The following OPCML variants were observed in gnomAD, a reference collection of about 807,000 sequenced individuals.
OPCML encodes opioid-binding protein/cell adhesion molecule.
In OPCML, 13 loss-of-function variants were observed where a neutral mutation model predicts 37.8. The ratio of observed to expected loss-of-function variants is 0.34; its 90% CI spans 0.22 to 0.55. OPCML has a LOEUF of 0.55. OPCML is among the 20% of genes least tolerant of loss of function. The pLI, the probability that OPCML is intolerant of heterozygous loss-of-function variation, is 0.91. For missense variants in OPCML, 341 were observed against 435.6 expected, an observed-to-expected ratio of 0.78 and a Z score of 1.93; for synonymous variants, 176 against 168.8, an observed-to-expected ratio of 1.04 and a Z score of -0.33.
chr11:133,513,217 G>A lies in OPCML; in HGVS notation c.61+19047C>T, dbSNP rs565108336. Among the ~76,000 whole-genome samples, 4 of 152,220 alleles carry A rather than the reference G, an allele frequency of 2.6e-5. No individual in the cohort carries two copies. In the South Asian group the frequency reaches 8.3e-4, roughly 32 times the overall value. Reference sequence around the variant, plus strand: ...CACCTTTGACTCTATTTATAACATGGACATTGAGAAATGTGTGGGGTTATT... The same window carrying A: ...CACCTTTGACTCTATTTATAACATGAACATTGAGAAATGTGTGGGGTTATT... On this transcript the variant is annotated intron_variant, in intron 1 of 7. Transcript: ENST00000524381.
intron 1 of OPCML, among the ~76,000 whole-genome samples, chr11:133,356,801 G>A (rs1404595183): frequency 6.6e-6 from 1 of 152,200 alleles, no homozygotes. Context: ...GAACCTCAGA[G>A]TCTCATCCAG....
chr11:133,271,796 A>G (rs1203658420), intron 1 of OPCML, among the ~76,000 whole-genome samples: 3 of 152,252 alleles, frequency 2.0e-5, no homozygotes, highest in African/African-American at 7.2e-5. Flanking sequence ...ATTGAATCCA[A>G]AATGACTTTC....
At position 133,282,024 on chromosome 11, in the gene OPCML, C is replaced by CA. The variant is rs368951941; in HGVS notation, c.61+250239dup. On this transcript the variant is annotated intron_variant, in intron 1 of 7. Coordinates refer to ENST00000524381, the MANE Select transcript of OPCML (RefSeq NM_001012393.5). ...TCAGGTTTGGGAACAACAACAACAACAAAAAAAAACTTAAACTAGTAACTT... is the reference window on the plus strand; with the variant it reads ...TCAGGTTTGGGAACAACAACAACAACAAAAAAAAAACTTAAACTAGTAACTT... 1.3e-3 allele frequency among the ~76,000 whole-genome samples: 201 copies of CA among 150,854 alleles called. 1 individual carries two copies. The South Asian group carries it at 0.016, about 12-fold the overall frequency.
rs530511843 is a variant in OPCML, at chr11:133,060,069, G to T, written c.62-117059C>A. Among the ~76,000 whole-genome samples, 3 of 152,156 alleles carry T rather than the reference G, an allele frequency of 2.0e-5. No individual in the cohort carries two copies. The East Asian group carries it at 5.8e-4, about 29-fold the overall frequency. ...CAAACTTTCCATCAGATATTTTAAGGCCGTTCCTTTCTCTGGATCTCATGC... is the reference window on the plus strand; with the variant it reads ...CAAACTTTCCATCAGATATTTTAAGTCCGTTCCTTTCTCTGGATCTCATGC... On this transcript the variant is annotated intron_variant, in intron 1 of 7. Transcript: ENST00000524381.
In OPCML at chr11:133,052,885, C is replaced by T. The variant is rs575219432; in HGVS notation, c.62-109875G>A. 5.3e-5 allele frequency among the ~76,000 whole-genome samples: 8 copies of T among 152,330 alleles called. No individual in the cohort carries two copies. In the East Asian group the frequency reaches 9.7e-4, roughly 18 times the overall value. ...CCAGGGATGGAGAGGATCCTAATTA[C>T]ACCATTTGAGCCCCTGAATCCAGTT... On this transcript the variant is annotated intron_variant, in intron 1 of 7. Transcript: ENST00000524381.
At chr11:133,016,837 C>T (rs1195180022) in intron 1 of OPCML, among the ~76,000 whole-genome samples, 4 of 152,130 alleles carry the variant, frequency 2.6e-5, no homozygotes, top group Non-Finnish European at 5.9e-5. Context: ...AATTCAGGCC[C>T]ACTCTGCTCG....
chr11:133,528,080 C>T (rs1451155760), intron 1 of OPCML, among the ~76,000 whole-genome samples: 3 of 152,136 alleles, frequency 2.0e-5, no homozygotes, highest in African/African-American at 7.2e-5. Flanking sequence ...GCTAAGAATT[C>T]GAGAAAGCAC....
In OPCML at chr11:132,416,928, C is replaced by A. The variant is rs1012688138; in HGVS notation, c.*3265G>T. 6.6e-6 allele frequency: 1 copy of A among 152,584 alleles called. No homozygotes were observed. The highest frequency in any genetic ancestry group is 1.5e-5 in the Non-Finnish European group (1 of 68,040). 9.5% of individuals were successfully genotyped at this position (152,584 alleles called of 1,614,324 possible). A position where few individuals can be genotyped will look rare whatever the true frequency, so the allele number is the denominator to read the frequency against. ...AGCTTGGCTGCAGCCTTAACACGAG[C>A]ACTTTCATTGGCATTACTTTGGTGG... On this transcript the variant is annotated 3_prime_UTR_variant, in exon 8 of 8. Transcript: ENST00000524381.
intron 7 of OPCML, among the ~76,000 whole-genome samples, chr11:132,423,174 G>A (rs775610093): frequency 6.6e-6 from 1 of 152,168 alleles, no homozygotes; most frequent in Non-Finnish European, 1.5e-5. Context: ...AGAGGGCACC[G>A]AACACTCTAG....
chr11:132,955,924 C>T (rs1483556079), intron 1 of OPCML, among the ~76,000 whole-genome samples: 2 of 152,236 alleles, frequency 1.3e-5, no homozygotes, highest in Admixed American at 6.5e-5. Context: ...TCCTATTTCC[C>T]TCAACATTCA....
intron 2 of OPCML, among the ~76,000 whole-genome samples, chr11:132,703,628 C>T (rs980385706): frequency 5.9e-5 from 9 of 152,126 alleles, no homozygotes; most frequent in African/African-American, 9.7e-5. Context: ...TGGAATGATC[C>T]GGTGCATATG....
In OPCML at chr11:133,180,838, C is replaced by CAAAA. The variant is rs34333844; in HGVS notation, c.62-237832_62-237829dup. Reference sequence around the variant, plus strand: ...TGGAGACAGCGAGTGCTCAGCAAAGCAAAAAAAAAAAAAAAAAGTGGGGAT... The same window carrying CAAAA: ...TGGAGACAGCGAGTGCTCAGCAAAGCAAAAAAAAAAAAAAAAAAAAAGTGGGGAT... On this transcript the variant is annotated intron_variant, in intron 1 of 7. Transcript: ENST00000524381. 7.3e-3 allele frequency among the ~76,000 whole-genome samples: 679 copies of CAAAA among 93,574 alleles called. 10 individuals carry two copies. Among genetic ancestry groups the CAAAA allele is most frequent in the African/African-American group, 0.024 (620 of 26,332 alleles). 61.4% of individuals were successfully genotyped at this position (93,574 alleles called of 152,430 possible). A position where few individuals can be genotyped will look rare whatever the true frequency, so the allele number is the denominator to read the frequency against.
chr11:132,574,436 C>T (rs796769272), intron 3 of OPCML, among the ~76,000 whole-genome samples: 10 of 151,340 alleles, frequency 6.6e-5, no homozygotes, highest in South Asian at 4.2e-4. Flanking sequence ...ATTGCTGCAT[C>T]CCATAAGTTT....
chr11:133,376,352 C>T (rs775580959), intron 1 of OPCML, among the ~76,000 whole-genome samples: 3 of 151,792 alleles, frequency 2.0e-5, no homozygotes, highest in Non-Finnish European at 4.4e-5. Flanking sequence ...AAGCAAATAC[C>T]CAATGACACA....
intron 1 of OPCML, among the ~76,000 whole-genome samples, chr11:133,514,971 T>C (rs1269661963): frequency 6.6e-6 from 1 of 152,186 alleles, no homozygotes; most frequent in Non-Finnish European, 1.5e-5. Flanking sequence ...GATATACCAC[T>C]CTAGAACAAC....
chr11:133,262,301 G>A (rs532118734), intron 1 of OPCML, among the ~76,000 whole-genome samples: 24 of 152,292 alleles, frequency 1.6e-4, no homozygotes, highest in African/African-American at 5.8e-4. Context: ...ATGGGCGAAT[G>A]CATTCAGAAT....
chr11:132,447,360 G>A (rs930400548), intron 4 of OPCML, among the ~76,000 whole-genome samples: 16 of 152,024 alleles, frequency 1.1e-4, no homozygotes, highest in East Asian at 1.9e-4. Flanking sequence ...GTGCAGTGGC[G>A]CAATCTTGGC....
intron 1 of OPCML, among the ~76,000 whole-genome samples, chr11:133,480,196 C>T (rs1011878429): frequency 1.3e-5 from 2 of 152,194 alleles, no homozygotes; most frequent in African/African-American, 4.8e-5. Context: ...ACAGCTAACC[C>T]ATGCTTGCTC....
chr11:132,653,065 T>C (rs1266736291), intron 3 of OPCML, among the ~76,000 whole-genome samples: 7 of 152,214 alleles, frequency 4.6e-5, no homozygotes, highest in Non-Finnish European at 1.0e-4. Flanking sequence ...ATATGCCCTT[T>C]CTGGTGTTAG....
Sources: gnomAD v4.1 joint callset for allele counts (sites outside exome capture counted in the v4.1 genomes callset) on GRCh38, gnomAD v4.1.1 for gene constraint, MANE v1.5 for transcripts, NCBI Gene and HGNC (gene_info 2026-07-23, HGNC 2026-07-21) for gene names.